ZFPM1: variants seen among roughly 807,000 people sequenced by gnomAD.
The protein encoded by ZFPM1 is zinc finger protein ZFPM1.
A neutral mutation model predicts 46.3 loss-of-function variants in ZFPM1; 28 were observed. That is an observed-to-expected ratio of 0.60 (90% CI 0.45 to 0.83). The LOEUF (loss-of-function observed/expected upper bound fraction) is 0.83, where lower values mean the gene tolerates loss of function less well. Ranked by LOEUF, ZFPM1 falls within the 40% of genes least tolerant of loss-of-function variation. The pLI is 0.00. For missense variants in ZFPM1, 1,878 were observed against 1,432.4 expected (o/e 1.31, Z -5.02); for synonymous variants, 957 against 675.9 (o/e 1.42, Z -6.45).
At chr16:88,484,372 C>T (rs1193512435) in intron 1 of ZFPM1, among the ~76,000 whole-genome samples, 1 of 152,256 alleles carries the variant, frequency 6.6e-6, no homozygotes, top group African/African-American at 2.4e-5. Context: ...GTTGTTCCAG[C>T]CTGCAACGCT....
At chr16:88,506,005 C>T (rs1910638287) in intron 3 of ZFPM1, among the ~76,000 whole-genome samples, 1 of 152,230 alleles carries the variant, frequency 6.6e-6, no homozygotes, top group Non-Finnish European at 1.5e-5. Context: ...TGGTTCGAAG[C>T]CCTTTGTTAA....
At chr16:88,466,739 A>T (rs1395406735) in intron 1 of ZFPM1, among the ~76,000 whole-genome samples, 4 of 152,278 alleles carry the variant, frequency 2.6e-5, no homozygotes, top group Non-Finnish European at 5.9e-5. Flanking sequence ...AAAGGAAGTC[A>T]GCTATTTCCA....
chr16:88,492,549 G>T (rs922702471), intron 3 of ZFPM1, among the ~76,000 whole-genome samples: 5 of 152,234 alleles, frequency 3.3e-5, no homozygotes, highest in African/African-American at 1.2e-4. Context: ...ACGCTGCAGA[G>T]CCCAGAGCCC....
At chr16:88,521,851 C>CT (rs1376242243) in intron 4 of ZFPM1, among the ~76,000 whole-genome samples, 5 of 149,766 alleles carry the variant, frequency 3.3e-5, no homozygotes, top group Non-Finnish European at 5.9e-5. Flanking sequence ...GTTCCCTCTC[C>CT]ATGCTGTTCC....
In ZFPM1 at chr16:88,453,629, C is replaced by T. The variant is rs1181857422; in HGVS notation, c.-10C>T. 10 of 1,138,620 alleles carry T rather than the reference C, an allele frequency of 8.8e-6. No homozygotes were observed. The highest frequency in any genetic ancestry group is 3.6e-4 in the Middle Eastern group (1 of 2,770). The allele number at this position is 1,138,620 out of a possible 1,614,324, so 70.5% of individuals were successfully genotyped here. Reference sequence around the variant, plus strand: ...AGGCGGCCGCCGGGAGGGCGCGCGGCGCCGGAGACATGTCCAGGCGGAAAC... The same window carrying T: ...AGGCGGCCGCCGGGAGGGCGCGCGGTGCCGGAGACATGTCCAGGCGGAAAC... On this transcript the variant is annotated 5_prime_UTR_variant, in exon 1 of 10. Transcript: ENST00000319555.
intron 3 of ZFPM1, among the ~76,000 whole-genome samples, chr16:88,509,347 G>T (rs1407854366): frequency 6.6e-6 from 1 of 152,270 alleles, no homozygotes; most frequent in Non-Finnish European, 1.5e-5. Flanking sequence ...CGATGGGGCC[G>T]ATTAGATAAG....
At position 88,516,255 on chromosome 16, in the gene ZFPM1, C is replaced by A. The variant is rs151086747; in HGVS notation, c.402+1735C>A. 3.1e-4 allele frequency: 123 copies of A among 398,582 alleles called. No individual in the cohort carries two copies. The East Asian group carries it at 4.4e-3, about 14-fold the overall frequency. The allele number at this position is 398,582 out of a possible 1,614,324, so 24.7% of individuals were successfully genotyped here. The stretch of plus-strand genomic sequence containing the variant: ...AATGGTAGGGCTGAGGGGCTGGCAC[C>A]GGCCCAGGAGTCATCCCCACGGGCT... On this transcript the variant is annotated intron_variant, in intron 4 of 9. Transcript: ENST00000319555.
chr16:88,534,218 G>T lies in ZFPM1; in HGVS notation c.2260G>T (p.Ala754Ser). The T allele has an allele frequency of 1.0e-6, 1 of 980,268 alleles. No homozygotes were observed. Among genetic ancestry groups the T allele is most frequent in the Non-Finnish European group, 1.2e-6 (1 of 829,252 alleles). The allele number at this position is 980,268 out of a possible 1,614,324, so 60.7% of individuals were successfully genotyped here. ...GCTCTACGAGCTGCACGCGGCCGGC[G>T]CCCCGCCCCCCCCGCCGCCCGGCCA... ...RKLYELHAAG[A>S]PPPPPPGHAP... Residue 754 changes from alanine to serine, a missense_variant, in exon 10 of 10, where the codon GCC becomes TCC. Coordinates refer to ENST00000319555, the MANE Select transcript of ZFPM1 (RefSeq NM_153813.3).
chr16:88,463,188 T>G (rs1597228351), intron 1 of ZFPM1, among the ~76,000 whole-genome samples: 1 of 152,176 alleles, frequency 6.6e-6, no homozygotes, highest in East Asian at 1.9e-4. Context: ...CTTCCCGAAG[T>G]GATGCATGAG....
intron 1 of ZFPM1, among the ~76,000 whole-genome samples, chr16:88,455,886 C>T (rs1434144671): frequency 3.3e-5 from 5 of 152,316 alleles, no homozygotes; most frequent in East Asian, 1.9e-4. Flanking sequence ...TCGGGACCCC[C>T]GGCGCCCCCA....
chr16:88,466,000 C>T (rs1260572273), intron 1 of ZFPM1, among the ~76,000 whole-genome samples: 1 of 152,226 alleles, frequency 6.6e-6, no homozygotes, highest in Non-Finnish European at 1.5e-5. Flanking sequence ...GCTACGATGT[C>T]TCCTTGAGGC....
At chr16:88,503,684 T>C (rs12446134) in intron 3 of ZFPM1, among the ~76,000 whole-genome samples, 12,769 of 152,180 alleles carry the variant, frequency 0.084, 755 homozygotes, top group African/African-American at 0.16. Context: ...TCCCATAAAA[T>C]CACACGTGAC....
At chr16:88,484,042 C>T (rs553073149) in intron 1 of ZFPM1, among the ~76,000 whole-genome samples, 120 of 152,330 alleles carry the variant, frequency 7.9e-4, no homozygotes, top group African/African-American at 2.7e-3. Context: ...GTGTTTCGGG[C>T]GTTAGCAGGC....
intron 4 of ZFPM1, among the ~76,000 whole-genome samples, chr16:88,522,552 C>G (rs530671503): frequency 6.6e-6 from 1 of 152,246 alleles, no homozygotes; most frequent in African/African-American, 2.4e-5. Flanking sequence ...GGTTTGGGAA[C>G]GGCCTCAGAT....
At chr16:88,465,564 G>A (rs1226810222) in intron 1 of ZFPM1, among the ~76,000 whole-genome samples, 1 of 151,856 alleles carries the variant, frequency 6.6e-6, no homozygotes, top group Non-Finnish European at 1.5e-5. Context: ...GTGTCCCCCT[G>A]GTGCCTAGAA....
At chr16:88,516,625 A>G (rs1911317278) in intron 4 of ZFPM1, 1 of 398,556 alleles carries the variant, frequency 2.5e-6, no homozygotes, top group Admixed American at 4.4e-5. Context: ...GATTTCTTCA[A>G]GATATGCACG....
In ZFPM1 at chr16:88,485,840, C is replaced by T. The variant is rs557864567; in HGVS notation, c.41-99C>T. On this transcript the variant is annotated intron_variant, in intron 1 of 9. Coordinates refer to ENST00000319555, the MANE Select transcript of ZFPM1 (RefSeq NM_153813.3). ...CCTCACCCCCACCCATTGCCATTTC[C>T]GCCTGGGCACCGGGGCTGTACCTAT... 324 of 1,146,936 alleles carry T rather than the reference C, an allele frequency of 2.8e-4. 2 individuals carry two copies. The highest frequency in any genetic ancestry group is 2.2e-3 in the African/African-American group (138 of 64,172). The allele number at this position is 1,146,936 out of a possible 1,614,324, so 71.0% of individuals were successfully genotyped here. A position where few individuals can be genotyped will look rare whatever the true frequency, so the allele number is the denominator to read the frequency against.
intron 3 of ZFPM1, among the ~76,000 whole-genome samples, chr16:88,490,862 G>A (rs1233783933): frequency 6.6e-6 from 1 of 152,214 alleles, no homozygotes; most frequent in Non-Finnish European, 1.5e-5. Context: ...CAGCACAGCA[G>A]ATGATGTGAC....
At chr16:88,461,565 T>G (rs1428860153) in intron 1 of ZFPM1, among the ~76,000 whole-genome samples, 1 of 152,122 alleles carries the variant, frequency 6.6e-6, no homozygotes, top group Non-Finnish European at 1.5e-5. Context: ...CCGGCTGTTG[T>G]GTGGGGTGCA....
Sources: gnomAD v4.1 joint callset for allele counts (sites outside exome capture counted in the v4.1 genomes callset) on GRCh38, gnomAD v4.1.1 for gene constraint, MANE v1.5 for transcripts, NCBI Gene and HGNC (gene_info 2026-07-23, HGNC 2026-07-21) for gene names.